TLE4: variants seen among roughly 807,000 people sequenced by gnomAD.
The protein encoded by TLE4 is transducin-like enhancer protein 4.
In TLE4, 8 loss-of-function variants were observed where a neutral mutation model predicts 92.8. The ratio of observed to expected loss-of-function variants is 0.09; its 90% CI spans 0.05 to 0.16. The LOEUF is 0.16. Among genes scored for constraint, TLE4 ranks in the 10% least tolerant of loss-of-function variants. The pLI is 1.00. For synonymous variants in TLE4, 371 were observed against 374.1 expected, an observed-to-expected ratio of 0.99 and a Z score of 0.10; for missense variants, 675 against 997.6, an observed-to-expected ratio of 0.68 and a Z score of 4.36.
intron 6 of TLE4, among the ~76,000 whole-genome samples, chr9:79,629,153 C>T (rs1445159290): frequency 6.6e-6 from 1 of 152,080 alleles, no homozygotes; most frequent in Non-Finnish European, 1.5e-5. Flanking sequence ...AGATAGCCCT[C>T]CTGCCTTATG....
chr9:79,659,461 T>C (rs2060226828), intron 8 of TLE4, among the ~76,000 whole-genome samples: 1 of 152,162 alleles, frequency 6.6e-6, no homozygotes, highest in Non-Finnish European at 1.5e-5. Context: ...TTCTTTGATA[T>C]CTTCTAATAC....
intron 5 of TLE4, among the ~76,000 whole-genome samples, chr9:79,620,395 G>A (rs918977774): frequency 3.9e-5 from 6 of 152,204 alleles, no homozygotes; most frequent in Non-Finnish European, 7.3e-5. Context: ...CCAAAGTTCT[G>A]TTGGACAGCA....
chr9:79,712,430 T>C (rs1357613248), intron 14 of TLE4, among the ~76,000 whole-genome samples: 1 of 152,208 alleles, frequency 6.6e-6, no homozygotes, highest in East Asian at 1.9e-4. Context: ...TTGTGCAATG[T>C]TGTCTTGTGC....
At chr9:79,639,483 G>A (rs531226968) in intron 6 of TLE4, among the ~76,000 whole-genome samples, 2 of 152,108 alleles carry the variant, frequency 1.3e-5, no homozygotes, top group African/African-American at 4.8e-5. Context: ...TTTTGTAGCA[G>A]TGTAGAGTAA....
chr9:79,703,782 A>G (rs1020005011), intron 8 of TLE4, among the ~76,000 whole-genome samples: 1 of 152,184 alleles, frequency 6.6e-6, no homozygotes, highest in African/African-American at 2.4e-5. Context: ...TGAGAAAGGA[A>G]TAATACGCAT....
intron 8 of TLE4, among the ~76,000 whole-genome samples, chr9:79,686,074 T>C (rs1035689699): frequency 1.3e-5 from 2 of 152,164 alleles, no homozygotes; most frequent in Non-Finnish European, 2.9e-5. Context: ...AGTAATACTA[T>C]AAATAGGCAT....
rs960699382 is a variant in TLE4, at chr9:79,709,564, A to G, written c.1264-59A>G. ...GGTTTTAGAATAGATTTTGAGAAGG[A>G]TAAAACAAGTCAAATGTAACTGTGC... On this transcript the variant is annotated intron_variant, in intron 13 of 19. Coordinates refer to ENST00000376552, the MANE Select transcript of TLE4 (RefSeq NM_007005.6). 43 of 1,488,666 alleles carry G rather than the reference A, an allele frequency of 2.9e-5. No individual in the cohort carries two copies. In the East Asian group the frequency reaches 8.2e-4, roughly 28 times the overall value. 92.2% of individuals were successfully genotyped at this position (1,488,666 alleles called of 1,614,324 possible).
chr9:79,679,585 T>C (rs1246545533), intron 8 of TLE4, among the ~76,000 whole-genome samples: 2 of 152,334 alleles, frequency 1.3e-5, no homozygotes, highest in East Asian at 3.9e-4. Context: ...ACTCTGATGG[T>C]AGTTTCTTTT....
At chr9:79,723,436 G>C (rs748689132) in intron 19 of TLE4, among the ~76,000 whole-genome samples, 7 of 152,164 alleles carry the variant, frequency 4.6e-5, no homozygotes, top group Non-Finnish European at 8.8e-5. Context: ...TTCCAAAGAA[G>C]AGTGTTATGG....
At chr9:79,693,089 A>G (rs1414718396) in intron 8 of TLE4, among the ~76,000 whole-genome samples, 2 of 152,174 alleles carry the variant, frequency 1.3e-5, no homozygotes, top group Non-Finnish European at 2.9e-5. Flanking sequence ...AGTGCTGGCT[A>G]TAAAGCTGGT....
chr9:79,698,701 A>C (rs1322405025), intron 8 of TLE4, among the ~76,000 whole-genome samples: 2 of 152,028 alleles, frequency 1.3e-5, no homozygotes, highest in Non-Finnish European at 2.9e-5. Context: ...GAGCTCTACT[A>C]TATTCAAGTT....
intron 4 of TLE4, 83 bp downstream of exon 4, chr9:79,576,260 T>A: frequency 1.8e-6 from 2 of 1,084,072 alleles, no homozygotes; most frequent in Non-Finnish European, 2.6e-6. Flanking sequence ...TGCAGTTTTA[T>A]TCTGCAAGCC....
intron 19 of TLE4, among the ~76,000 whole-genome samples, chr9:79,723,348 G>T (rs188412319): frequency 0.012 from 1,483 of 122,774 alleles, 31 homozygotes; most frequent in African/African-American, 0.045. Context: ...TATGTCTTTT[G>T]TAATTTTTAA....
At chr9:79,628,322 T>G (rs1315163409) in intron 6 of TLE4, among the ~76,000 whole-genome samples, 2 of 152,168 alleles carry the variant, frequency 1.3e-5, no homozygotes, top group Admixed American at 1.3e-4. Context: ...TCTTTTTTTT[T>G]TCTGTCAGTG....
chr9:79,719,078 G>A (rs572621462), intron 15 of TLE4, 107 bp downstream of exon 15: 3 of 1,463,068 alleles, frequency 2.1e-6, no homozygotes, highest in South Asian at 1.4e-5. Flanking sequence ...GATCCCAGGT[G>A]GATAGTTGCT....
intron 12 of TLE4, 70 bp from the exon 13 acceptor site, chr9:79,708,523 C>A: frequency 7.1e-7 from 1 of 1,399,080 alleles, no homozygotes; most frequent in Non-Finnish European, 9.8e-7. Context: ...TATTTTGTGA[C>A]ATGTTTACAA....
chr9:79,713,060 G>A (rs530050972), intron 14 of TLE4, among the ~76,000 whole-genome samples: 3 of 152,276 alleles, frequency 2.0e-5, no homozygotes, highest in Admixed American at 1.3e-4. Context: ...ACTTAGAACA[G>A]AATTTTCTAT....
intron 8 of TLE4, among the ~76,000 whole-genome samples, chr9:79,681,292 T>C (rs1008915885): frequency 4.0e-5 from 6 of 151,314 alleles, no homozygotes; most frequent in Non-Finnish European, 8.9e-5. Context: ...TAATCTGCTG[T>C]GGTTAAAGGA....
intron 6 of TLE4, among the ~76,000 whole-genome samples, chr9:79,631,616 A>ATATGTG (rs775644348): frequency 1.1e-4 from 13 of 118,162 alleles, no homozygotes; most frequent in Admixed American, 1.8e-4. Flanking sequence ...TGAACCTTAA[A>ATATGTG]TGTGTGTGTG....
Sources: allele counts gnomAD v4.1 joint callset (sites outside exome capture counted in the v4.1 genomes callset), GRCh38; gene constraint gnomAD v4.1.1; transcripts MANE v1.5; gene names NCBI Gene and HGNC (gene_info 2026-07-23, HGNC 2026-07-21).